Variants in NSRP1 observed in about 807,000 individuals in gnomAD.
The protein encoded by NSRP1 is nuclear speckle splicing regulatory protein 1.
NSRP1 carries 24 observed loss-of-function variants against 54.7 expected under a neutral mutation model. The ratio of observed to expected loss-of-function variants is 0.44; its 90% CI spans 0.32 to 0.62. The LOEUF (loss-of-function observed/expected upper bound fraction) is 0.62. NSRP1 is among the 20% of genes least tolerant of loss of function. NSRP1 has a pLI of 0.06. For synonymous variants in NSRP1, 210 were observed against 213.8 expected, an observed-to-expected ratio of 0.98 and a Z score of 0.15; for missense variants, 596 against 651.2, an observed-to-expected ratio of 0.92 and a Z score of 0.92.
chr17:30,161,201 A>T (rs1311035776), intron 2 of NSRP1, among the ~76,000 whole-genome samples: 1 of 152,238 alleles, frequency 6.6e-6, no homozygotes, highest in Non-Finnish European at 1.5e-5. Context: ...TTTGTATACA[A>T]TTCTTTATGT....
intron 1 of NSRP1, chr17:30,117,878 A>G: frequency 2.3e-6 from 1 of 435,332 alleles, no homozygotes; most frequent in Non-Finnish European, 4.1e-6. Flanking sequence ...GTGTCCACAA[A>G]TGATCACTTA....
In NSRP1 at chr17:30,116,962, TG is replaced by T. The variant is rs1312891451; in HGVS notation, c.20+100del. On this transcript the variant is annotated intron_variant, in intron 1 of 6. Transcript: ENST00000247026. Reference sequence around the variant, plus strand: ...TTAAATGCGCTGGAAGTGAAGGGACTGTGTCGTCAAGGGTAGAGACGGGAAA... The same window carrying T: ...TTAAATGCGCTGGAAGTGAAGGGACTTGTCGTCAAGGGTAGAGACGGGAAA... 3 of 1,388,056 alleles carry T rather than the reference TG, an allele frequency of 2.2e-6. No homozygotes were observed. In the African/African-American group the frequency reaches 4.3e-5, roughly 20 times the overall value. The allele number at this position is 1,388,056 out of a possible 1,614,324, so 86.0% of individuals were successfully genotyped here.
At chr17:30,144,673 C>T (rs894369708) in intron 2 of NSRP1, 4 of 152,108 alleles carry the variant, frequency 2.6e-5, no homozygotes, top group Non-Finnish European at 5.9e-5. Context: ...ATAGATATAT[C>T]TGTCTTTCTG....
In NSRP1 at chr17:30,145,125, A is replaced by C. The variant is rs148247593; in HGVS notation, c.114+26952A>C. ...ACGTCTACTGTATTTTATCTATCCC[A>C]TTCCTTCTGAGATAAACACTTAAGT... On this transcript the variant is annotated intron_variant, in intron 2 of 6. Transcript: ENST00000247026. 4.5e-4 allele frequency among the ~76,000 whole-genome samples: 69 copies of C among 152,204 alleles called. 1 individual carries two copies. Among genetic ancestry groups the C allele is most frequent in the African/African-American group, 1.4e-3 (57 of 41,516 alleles).
chr17:30,138,908 C>CG (rs1567793693), intron 2 of NSRP1, among the ~76,000 whole-genome samples: 2 of 64,926 alleles, frequency 3.1e-5, no homozygotes, highest in African/African-American at 4.7e-5. Context: ...CAAGTCTTAG[C>CG]GTTTTTTTTT....
intron 2 of NSRP1, among the ~76,000 whole-genome samples, chr17:30,140,874 G>C (rs969130349): frequency 5.9e-5 from 9 of 152,034 alleles, no homozygotes; most frequent in African/African-American, 2.2e-4. Flanking sequence ...CATTTATTTA[G>C]AGACAGGGTC....
At chr17:30,150,684 GTTTTTTTTTTTTTT>G (rs1176269585) in intron 2 of NSRP1, 3 of 63,850 alleles carry the variant, frequency 4.7e-5, no homozygotes, top group African/African-American at 6.0e-5. Context: ...TTTGTTGTTG[GTTTTTTTTTTTTTT>G]TTTTTTTTTT....
intron 2 of NSRP1, among the ~76,000 whole-genome samples, chr17:30,156,056 T>TCTCAAACTGCTAAC (rs1235671389): frequency 1.3e-5 from 2 of 151,838 alleles, no homozygotes; most frequent in African/African-American, 4.8e-5. Context: ...CCCAGGCTGG[T>TCTCAAACTGCTAAC]CTCAAACTGC....
Position 30,185,644 on chromosome 17 carries a change from A to G in NSRP1, c.1647A>G (p.Ala549=). The change falls in exon 7 of 7, where the codon GCA becomes GCG. Residue 549 remains alanine, a synonymous_variant. Coordinates refer to ENST00000247026, the MANE Select transcript of NSRP1 (RefSeq NM_032141.4). The part of the protein sequence containing the change: ...YLARQMARVN[A]KTYIEKEDD The stretch of plus-strand genomic sequence containing the variant: ...CCAGGCAGATGGCGCGGGTTAATGC[A>G]AAGACCTATATTGAGAAAGAAGATG... 1 of 1,606,748 alleles carries G rather than the reference A, an allele frequency of 6.2e-7. No homozygotes were observed.
chr17:30,133,391 G>A (rs1158593424), intron 2 of NSRP1, among the ~76,000 whole-genome samples: 2 of 152,082 alleles, frequency 1.3e-5, no homozygotes, highest in Non-Finnish European at 1.5e-5. Context: ...GTGATAACCC[G>A]ATGCATTGTC....
intron 2 of NSRP1, among the ~76,000 whole-genome samples, chr17:30,136,416 T>C (rs2071751684): frequency 6.6e-6 from 1 of 152,220 alleles, no homozygotes; most frequent in Non-Finnish European, 1.5e-5. Context: ...TAAGAAAAGC[T>C]AAAGTTTATT....
At chr17:30,184,249 A>C (rs944570612) in intron 6 of NSRP1, among the ~76,000 whole-genome samples, 1 of 152,210 alleles carries the variant, frequency 6.6e-6, no homozygotes, top group African/African-American at 2.4e-5. Context: ...CTTAAGCTTC[A>C]TGTTGTGAAA....
chr17:30,119,100 T>A (rs1163733067), intron 2 of NSRP1, among the ~76,000 whole-genome samples: 7 of 151,618 alleles, frequency 4.6e-5, no homozygotes, highest in Non-Finnish European at 1.0e-4. Flanking sequence ...TTTTTCTTTT[T>A]TTTTTTGAGA....
intron 2 of NSRP1, among the ~76,000 whole-genome samples, chr17:30,159,007 G>A (rs1412545106): frequency 1.3e-5 from 2 of 152,060 alleles, no homozygotes; most frequent in Non-Finnish European, 2.9e-5. Flanking sequence ...AAATATTATT[G>A]GTATTTTGGT....
At chr17:30,182,719 G>A (rs1905352894) in intron 6 of NSRP1, among the ~76,000 whole-genome samples, 1 of 152,054 alleles carries the variant, frequency 6.6e-6, no homozygotes, top group Non-Finnish European at 1.5e-5. Flanking sequence ...CGGATTGCGA[G>A]GTCAGGAGAT....
intron 2 of NSRP1, chr17:30,122,349 T>TGTGTGTATATATATATATATATA (rs1481107161): frequency 2.8e-5 from 2 of 72,314 alleles, no homozygotes; most frequent in African/African-American, 1.1e-4. Flanking sequence ...ATAACTCTGG[T>TGTGTGTATATATATATATATATA]TTCATATATA....
intron 2 of NSRP1, among the ~76,000 whole-genome samples, chr17:30,157,897 T>A (rs1027406194): frequency 2.6e-5 from 4 of 152,236 alleles, no homozygotes; most frequent in African/African-American, 9.6e-5. Flanking sequence ...GTTTATCTGT[T>A]GCTGGGCATT....
chr17:30,177,026 C>T (rs574901176), intron 3 of NSRP1, among the ~76,000 whole-genome samples: 2 of 152,126 alleles, frequency 1.3e-5, no homozygotes, highest in African/African-American at 4.8e-5. Context: ...CTCTGTACCT[C>T]AGGAATTTAC....
At chr17:30,180,337 A>G (rs777511365) in intron 5 of NSRP1, among the ~76,000 whole-genome samples, 2 of 151,128 alleles carry the variant, frequency 1.3e-5, no homozygotes, top group Non-Finnish European at 2.9e-5. Flanking sequence ...TTATATTTTT[A>G]TAGAGACGGA....
Sources: allele counts gnomAD v4.1 joint callset (sites outside exome capture counted in the v4.1 genomes callset), GRCh38; gene constraint gnomAD v4.1.1; transcripts MANE v1.5; gene names NCBI Gene and HGNC (gene_info 2026-07-23, HGNC 2026-07-21).